MDGA2: variants seen among roughly 807,000 people sequenced by gnomAD.
MDGA2 encodes MAM domain containing glycosylphosphatidylinositol anchor 2.
A neutral mutation model predicts 117.8 loss-of-function variants in MDGA2; 40 were observed. The observed-to-expected ratio is 0.34, with a 90% CI of 0.26 to 0.44. The LOEUF is 0.44. Among genes scored for constraint, MDGA2 ranks in the 20% least tolerant of loss-of-function variants. The pLI is 1.00. For missense variants in MDGA2, 1,123 were observed against 1,250.6 expected (o/e 0.90, Z 1.54); for synonymous variants, 452 against 439.0 (o/e 1.03, Z -0.37).
At chr14:47,296,518 T>C (rs1288513529) in intron 2 of MDGA2, among the ~76,000 whole-genome samples, 1 of 152,158 alleles carries the variant, frequency 6.6e-6, no homozygotes, top group Non-Finnish European at 1.5e-5. Context: ...GATGTACAAG[T>C]GACTGATAAA....
intron 10 of MDGA2, among the ~76,000 whole-genome samples, chr14:46,892,001 C>T (rs1882903182): frequency 6.6e-6 from 1 of 151,720 alleles, no homozygotes; most frequent in South Asian, 2.1e-4. Context: ...TTAACATACC[C>T]TCATCTGTGG....
rs1363677477 is a variant in MDGA2 at position 47,061,585 on chromosome 14, C to G, written c.1196-7G>C. 4 of 1,598,828 alleles carry G rather than the reference C, an allele frequency of 2.5e-6. No individual in the cohort carries two copies. Among genetic ancestry groups the G allele is most frequent in the Non-Finnish European group, 3.4e-6 (4 of 1,170,458 alleles). The stretch of plus-strand genomic sequence containing the variant: ...AATCGTCCTTTTTTTAATGCTACAA[C>G]ATAAAAATTCCATAAGGAGTTAGTG... On this transcript the variant is annotated splice_polypyrimidine_tract_variant and splice_region_variant and intron_variant, in intron 6 of 16. Transcript: ENST00000399232.
chr14:47,599,712 A>G (rs1896611787), intron 1 of MDGA2, among the ~76,000 whole-genome samples: 1 of 152,190 alleles, frequency 6.6e-6, no homozygotes, highest in Non-Finnish European at 1.5e-5. Context: ...CAGATAAATA[A>G]GGACAAGAGC....
At chr14:47,452,709 C>T (rs942015267) in intron 1 of MDGA2, among the ~76,000 whole-genome samples, 3 of 151,962 alleles carry the variant, frequency 2.0e-5, no homozygotes, top group Non-Finnish European at 4.4e-5. Context: ...GATACATTTC[C>T]CAGTCCCATT....
chr14:47,499,984 T>C (rs184993634), intron 1 of MDGA2, among the ~76,000 whole-genome samples: 1 of 152,182 alleles, frequency 6.6e-6, no homozygotes, highest in East Asian at 1.9e-4. Flanking sequence ...TGTTGGAAAA[T>C]ACACCAATAC....
chr14:47,238,379 G>A (rs1028525554), intron 2 of MDGA2, among the ~76,000 whole-genome samples: 1 of 146,040 alleles, frequency 6.8e-6, no homozygotes, highest in African/African-American at 2.5e-5. Flanking sequence ...TTAGTAGGTG[G>A]TTAATACTCA....
At chr14:47,624,179 C>G (rs1056572518) in intron 1 of MDGA2, among the ~76,000 whole-genome samples, 1 of 152,118 alleles carries the variant, frequency 6.6e-6, no homozygotes, top group Admixed American at 6.5e-5. Context: ...TTTTCTAGGC[C>G]GGGTGCGGTA....
At chr14:46,850,313 T>C (rs1881008516) in intron 15 of MDGA2, among the ~76,000 whole-genome samples, 1 of 151,896 alleles carries the variant, frequency 6.6e-6, no homozygotes, top group South Asian at 2.1e-4. Context: ...TCAAATGTAA[T>C]TTCTCAGCAA....
chr14:47,425,388 C>A (rs1481023140), intron 1 of MDGA2, among the ~76,000 whole-genome samples: 1 of 152,068 alleles, frequency 6.6e-6, no homozygotes, highest in Non-Finnish European at 1.5e-5. Flanking sequence ...CAAACAGTTA[C>A]CTAAATGCAC....
At chr14:47,068,603 G>T (rs1274811414) in intron 6 of MDGA2, among the ~76,000 whole-genome samples, 1 of 151,856 alleles carries the variant, frequency 6.6e-6, no homozygotes, top group Non-Finnish European at 1.5e-5. Context: ...GGTATTTTGA[G>T]CTCACCTTTT....
chr14:46,890,816 C>T (rs1882852227), intron 10 of MDGA2, among the ~76,000 whole-genome samples: 1 of 152,010 alleles, frequency 6.6e-6, no homozygotes, highest in Admixed American at 6.6e-5. Flanking sequence ...TATTCTTGCC[C>T]TGCGATCACA....
At chr14:47,464,294 T>G (rs1893555146) in intron 1 of MDGA2, among the ~76,000 whole-genome samples, 2 of 152,242 alleles carry the variant, frequency 1.3e-5, no homozygotes, top group South Asian at 4.1e-4. Flanking sequence ...GTATTTGAAT[T>G]AAATATTTAA....
intron 9 of MDGA2, among the ~76,000 whole-genome samples, chr14:46,941,907 C>T (rs1489626626): frequency 6.6e-6 from 1 of 152,164 alleles, no homozygotes; most frequent in Non-Finnish European, 1.5e-5. Flanking sequence ...AGTTTTGCAA[C>T]CCTACACCCT....
intron 3 of MDGA2, among the ~76,000 whole-genome samples, chr14:47,179,231 G>A (rs751178546): frequency 3.3e-5 from 5 of 151,830 alleles, no homozygotes; most frequent in Admixed American, 6.6e-5. Context: ...ATGGGGAGCC[G>A]AATCAACAGC....
intron 14 of MDGA2, among the ~76,000 whole-genome samples, chr14:46,869,359 T>C (rs1351026586): frequency 1.3e-5 from 2 of 151,370 alleles, no homozygotes; most frequent in Non-Finnish European, 2.9e-5. Flanking sequence ...TTCTTTTTTT[T>C]TTTTTTTTTT....
chr14:47,625,877 T>C (rs1462897616), intron 1 of MDGA2, among the ~76,000 whole-genome samples: 1 of 152,242 alleles, frequency 6.6e-6, no homozygotes, highest in Non-Finnish European at 1.5e-5. Context: ...AGGAGCCCAA[T>C]GACTTAGCCT....
chr14:47,146,888 C>A (rs901687217), intron 3 of MDGA2, among the ~76,000 whole-genome samples: 1 of 152,128 alleles, frequency 6.6e-6, no homozygotes, highest in Non-Finnish European at 1.5e-5. Flanking sequence ...ATAAACCAAA[C>A]CTGTTCTTCC....
At chr14:47,044,903 A>G (rs905679383) in intron 7 of MDGA2, among the ~76,000 whole-genome samples, 1 of 152,298 alleles carries the variant, frequency 6.6e-6, no homozygotes, top group East Asian at 1.9e-4. Flanking sequence ...TACTTGAAAC[A>G]TATGGGGAGA....
intron 5 of MDGA2, among the ~76,000 whole-genome samples, chr14:47,118,377 A>C (rs1450377790): frequency 1.3e-5 from 2 of 152,226 alleles, no homozygotes; most frequent in African/African-American, 4.8e-5. Context: ...AGAAATATTA[A>C]AAAGCAACAA....
Sources: allele counts gnomAD v4.1 joint callset (sites outside exome capture counted in the v4.1 genomes callset), GRCh38; gene constraint gnomAD v4.1.1; transcripts MANE v1.5; gene names NCBI Gene and HGNC (gene_info 2026-07-23, HGNC 2026-07-21).